KPNA3: variants seen among roughly 807,000 people sequenced by gnomAD.
KPNA3 encodes karyopherin subunit alpha 3.
Under a neutral mutation model 73.8 loss-of-function variants are expected in KPNA3, and 13 were observed. The observed-to-expected ratio is 0.18, with a 90% confidence interval of 0.11 to 0.28. The LOEUF (loss-of-function observed/expected upper bound fraction) is 0.28, where lower values mean the gene tolerates loss of function less well. KPNA3 is among the 10% of genes least tolerant of loss of function. KPNA3 has a pLI of 1.00. For missense variants in KPNA3, 360 were observed against 618.1 expected (o/e 0.58, Z 4.43); for synonymous variants, 186 against 206.9 (o/e 0.90, Z 0.87).
At chr13:49,781,441 G>A (rs74076250) in intron 1 of KPNA3, among the ~76,000 whole-genome samples, 208 of 152,148 alleles carry the variant, frequency 1.4e-3, no homozygotes, top group African/African-American at 4.8e-3. Flanking sequence ...TTCTTCCTCT[G>A]TATAATGTAA....
At chr13:49,726,194 T>TGTG (rs1302259436) in intron 6 of KPNA3, among the ~76,000 whole-genome samples, 2 of 152,164 alleles carry the variant, frequency 1.3e-5, no homozygotes, top group Admixed American at 1.3e-4. Context: ...TATCACACGC[T>TGTG]CTAGGCTGGT....
At chr13:49,726,843 TGGGCGGGGGTGGGATGGG>T (rs1954414313) in intron 6 of KPNA3, among the ~76,000 whole-genome samples, 1 of 149,654 alleles carries the variant, frequency 6.7e-6, no homozygotes, top group Admixed American at 6.6e-5. Flanking sequence ...CTTGGGATGC[TGGGCGGGGGTGGGATGGG>T]GGGATTGCTT....
chr13:49,750,363 A>T (rs1294586196), intron 1 of KPNA3, among the ~76,000 whole-genome samples: 2 of 152,214 alleles, frequency 1.3e-5, no homozygotes, highest in Admixed American at 1.3e-4. Flanking sequence ...TTTAAGGAAA[A>T]GTTAGCAGAC....
chr13:49,785,262 G>A (rs372362124), intron 1 of KPNA3, among the ~76,000 whole-genome samples: 1 of 152,164 alleles, frequency 6.6e-6, no homozygotes, highest in Admixed American at 6.5e-5. Flanking sequence ...GAAGGTGACA[G>A]GTAATAAGGC....
At chr13:49,718,481 ATAAT>A (rs1002282331) in intron 10 of KPNA3, among the ~76,000 whole-genome samples, 2 of 152,206 alleles carry the variant, frequency 1.3e-5, no homozygotes, top group Non-Finnish European at 1.5e-5. Flanking sequence ...TTATTTGCCT[ATAAT>A]TAATTCTATA....
chr13:49,729,697 G>A (rs1045019697), intron 6 of KPNA3, among the ~76,000 whole-genome samples: 6 of 152,082 alleles, frequency 3.9e-5, no homozygotes, highest in Admixed American at 6.5e-5. Context: ...GGAGAATGGC[G>A]TGAACCCAGG....
Position 49,731,817 on chromosome 13 carries a change from T to A in KPNA3, c.383+554A>T, listed in dbSNP as rs189674487. ...TCCTCAAAAGATATCCAGTGGAGTT[T>A]TACTCCTTCTCTCCTGGGTAAATAT... On this transcript the variant is annotated intron_variant, in intron 6 of 16. Transcript: ENST00000261667. Among the ~76,000 whole-genome samples the A allele has an allele frequency of 9.3e-3, 1,415 of 152,326 alleles. 17 individuals carry two copies. The highest frequency in any genetic ancestry group is 0.032 in the African/African-American group (1,327 of 41,564).
intron 2 of KPNA3, among the ~76,000 whole-genome samples, chr13:49,734,954 T>TAGAGGGAGAG (rs1954508236): frequency 6.9e-6 from 1 of 145,840 alleles, no homozygotes; most frequent in African/African-American, 2.6e-5. Context: ...GAGAGATAGA[T>TAGAGGGAGAG]AGAGAGAGAG....
At position 49,700,434 on chromosome 13, in the gene KPNA3, C is replaced by T. The variant is rs1312036598; in HGVS notation, c.*1366G>A. 1 of 152,592 alleles carries T rather than the reference C, an allele frequency of 6.6e-6. No homozygotes were observed. Among genetic ancestry groups the T allele is most frequent in the Non-Finnish European group, 1.5e-5 (1 of 68,014 alleles). The allele number at this position is 152,592 out of a possible 1,614,324, so 9.5% of individuals were successfully genotyped here. On this transcript the variant is annotated 3_prime_UTR_variant, in exon 17 of 17. Coordinates refer to ENST00000261667, the MANE Select transcript of KPNA3 (RefSeq NM_002267.4). ...TATTTAGTTTAAAAATTTTTAAATC[C>T]ATATTCTTTCATTAATAACTGGGTC... is the stretch of plus-strand genomic sequence containing the variant.
chr13:49,707,411 G>C (rs913712072), intron 12 of KPNA3, among the ~76,000 whole-genome samples: 3 of 152,118 alleles, frequency 2.0e-5, no homozygotes, highest in Non-Finnish European at 2.9e-5. Flanking sequence ...GATTTAAAAA[G>C]TTTCAAACAG....
At chr13:49,779,538 A>G (rs901768504) in intron 1 of KPNA3, among the ~76,000 whole-genome samples, 11 of 151,584 alleles carry the variant, frequency 7.3e-5, no homozygotes, top group African/African-American at 2.2e-4. Context: ...CTCCCTACTT[A>G]CTCTATCTAG....
At chr13:49,714,989 A>G (rs908922577) in intron 10 of KPNA3, among the ~76,000 whole-genome samples, 1 of 152,020 alleles carries the variant, frequency 6.6e-6, no homozygotes, top group Non-Finnish European at 1.5e-5. Context: ...CAATTTTTAA[A>G]AATATCATTA....
chr13:49,704,377 A>T (rs1396194698), intron 15 of KPNA3, among the ~76,000 whole-genome samples: 2 of 150,638 alleles, frequency 1.3e-5, no homozygotes, highest in East Asian at 3.9e-4. Flanking sequence ...GAGCCATTAC[A>T]CTCCAGCCTG....
chr13:49,730,729 A>AT (rs1372113529), intron 6 of KPNA3, among the ~76,000 whole-genome samples: 1 of 144,396 alleles, frequency 6.9e-6, no homozygotes, highest in Non-Finnish European at 1.5e-5. Flanking sequence ...TTAACTCGTC[A>AT]TTCAGCATTA....
intron 1 of KPNA3, among the ~76,000 whole-genome samples, chr13:49,762,878 A>G (rs1447132468): frequency 6.6e-6 from 1 of 150,386 alleles, no homozygotes; most frequent in Admixed American, 6.7e-5. Context: ...AATAAAATTA[A>G]ATTAAAAAAA....
At chr13:49,711,594 A>G (rs980621188) in intron 10 of KPNA3, among the ~76,000 whole-genome samples, 1 of 152,258 alleles carries the variant, frequency 6.6e-6, no homozygotes, top group Non-Finnish European at 1.5e-5. Context: ...AACCTGGAGT[A>G]TAAACCATGC....
chr13:49,785,608 AAC>A (rs1954975849), intron 1 of KPNA3, among the ~76,000 whole-genome samples: 2 of 152,184 alleles, frequency 1.3e-5, no homozygotes, highest in African/African-American at 4.8e-5. Context: ...GAGCAAGAAA[AAC>A]AGTCTACAGA....
chr13:49,785,555 C>T (rs1954975342), intron 1 of KPNA3, among the ~76,000 whole-genome samples: 1 of 152,180 alleles, frequency 6.6e-6, no homozygotes, highest in Middle Eastern at 3.4e-3. Context: ...TTTAAGTCCC[C>T]GCACATTGAA....
intron 1 of KPNA3, among the ~76,000 whole-genome samples, chr13:49,787,801 T>C (rs1954996832): frequency 1.3e-5 from 2 of 151,886 alleles, no homozygotes. Context: ...TGCCTCAGCC[T>C]CCCGTGTAGC....
Sources: gnomAD v4.1 joint callset for allele counts (sites outside exome capture counted in the v4.1 genomes callset) on GRCh38, gnomAD v4.1.1 for gene constraint, MANE v1.5 for transcripts, NCBI Gene and HGNC (gene_info 2026-07-23, HGNC 2026-07-21) for gene names.